The following LRP11 variants were observed in gnomAD, a reference collection of about 807,000 sequenced individuals.
The protein encoded by LRP11 is low-density lipoprotein receptor-related protein 11.
In LRP11, 25 loss-of-function variants were observed where a neutral mutation model predicts 43.1. The ratio of observed to expected loss-of-function variants is 0.58; its 90% CI spans 0.42 to 0.81. LRP11 has a LOEUF of 0.81. LRP11 is among the 30% of genes least tolerant of loss of function. The pLI, the probability that LRP11 is intolerant of heterozygous loss-of-function variation, is 0.00. For synonymous variants in LRP11, 316 were observed against 299.4 expected, an observed-to-expected ratio of 1.06 and a Z score of -0.57; for missense variants, 623 against 665.1, an observed-to-expected ratio of 0.94 and a Z score of 0.70.
At chr6:149,839,629 T>C (rs1467458891) in intron 3 of LRP11, among the ~76,000 whole-genome samples, 1 of 152,222 alleles carries the variant, frequency 6.6e-6, no homozygotes, top group East Asian at 1.9e-4. Context: ...CAATAATATA[T>C]TGTTGAACAG....
rs1776488423 is a variant in LRP11, at chr6:149,837,435, G to A, written c.942C>T (p.His314=). ...GGCLHTCSRY[H]FFCDDGCCID... ...TGCAGCAGCCATCGTCACAGAAGAA[G>A]TGGTAGCGTGAGCAAGTGTGCAAAC... The change falls in exon 4 of 7, where the codon CAC becomes CAT. Residue 314 remains histidine, a synonymous_variant. Transcript: ENST00000239367. 1 of 1,614,116 alleles carries A rather than the reference G, an allele frequency of 6.2e-7. No homozygotes were observed. The highest frequency in any genetic ancestry group is 8.5e-7 in the Non-Finnish European group (1 of 1,180,022).
Position 149,863,770 on chromosome 6 carries a change from C to G in LRP11, c.251G>C (p.Gly84Ala). The G allele has an allele frequency of 6.8e-7, 1 of 1,477,592 alleles. No individual in the cohort carries two copies. The highest frequency in any genetic ancestry group is 8.9e-7 in the Non-Finnish European group (1 of 1,120,844). 91.5% of individuals were successfully genotyped at this position (1,477,592 alleles called of 1,614,324 possible). A position where few individuals can be genotyped will look rare whatever the true frequency, so the allele number is the denominator to read the frequency against. Residue 84 changes from glycine to alanine, a missense_variant, in exon 1 of 7, where the codon GGC (glycine) becomes GCC (alanine). By Grantham distance (60) the Gly-to-Ala change is moderately conservative (BLOSUM62 0). Coordinates refer to ENST00000239367, the MANE Select transcript of LRP11 (RefSeq NM_032832.6). ...ELELELRAGG[G>A]PQEDCPGPGS... ...CGGGCCCGGGCAGTCCTCCTGGGGG[C>G]CGCCGCCCGCGCGCAGCTCCAGCTC...
chr6:149,826,440 T>A, intron 5 of LRP11, 81 bp from the exon 6 acceptor site: 8 of 971,032 alleles, frequency 8.2e-6, no homozygotes, highest in Non-Finnish European at 9.5e-6. Context: ...ACAGCCTTAT[T>A]TTTTTTTAAG....
At chr6:149,837,272 A>G in intron 4 of LRP11, 66 bp downstream of exon 4, 1 of 1,543,480 alleles carries the variant, frequency 6.5e-7, no homozygotes, top group Non-Finnish European at 8.8e-7. Context: ...TTTCATTCTC[A>G]GAACACAGAC....
In LRP11 at chr6:149,826,019, AT is replaced by A. The variant is rs1462186050; in HGVS notation, c.1348+244del. The A allele has an allele frequency of 2.3e-5, 11 of 470,382 alleles. No individual in the cohort carries two copies. The Admixed American group carries it at 3.3e-4, about 14-fold the overall frequency. The allele number at this position is 470,382 out of a possible 1,614,324, so 29.1% of individuals were successfully genotyped here. The stretch of plus-strand genomic sequence containing the variant: ...TCTCCCACCATGCCACAAGTATGAC[AT>A]TTTCCACAGGTGTCACACCTGGAAG... On this transcript the variant is annotated intron_variant, in intron 6 of 6. Transcript: ENST00000239367.
intron 1 of LRP11, 42 bp downstream of exon 1, chr6:149,863,366 C>T (rs906916481): frequency 3.1e-6 from 4 of 1,310,576 alleles, no homozygotes; most frequent in Non-Finnish European, 3.9e-6. Context: ...CTGCGGGTCT[C>T]GAGCGCTCTG....
chr6:149,839,662 T>C (rs1027703685), intron 3 of LRP11, among the ~76,000 whole-genome samples: 3 of 152,222 alleles, frequency 2.0e-5, no homozygotes, highest in Admixed American at 6.5e-5. Context: ...TATTTATTTA[T>C]CTATTTATTT....
chr6:149,847,651 G>A (rs543902002), intron 2 of LRP11, among the ~76,000 whole-genome samples: 3 of 152,224 alleles, frequency 2.0e-5, no homozygotes, highest in Admixed American at 2.0e-4. Flanking sequence ...TAAACCAGGA[G>A]CTCCCAATCT....
chr6:149,843,149 C>G (rs771365648), intron 2 of LRP11, 25 bp from the exon 3 acceptor site: 3 of 1,613,684 alleles, frequency 1.9e-6, no homozygotes, highest in South Asian at 2.2e-5. Context: ...GGACACATCA[C>G]GTCGAGCAGC....
intron 1 of LRP11, among the ~76,000 whole-genome samples, chr6:149,854,413 T>C (rs1447021454): frequency 6.6e-6 from 1 of 152,204 alleles, no homozygotes; most frequent in East Asian, 1.9e-4. Flanking sequence ...AGCCTATATT[T>C]ACCTTTAACC....
At chr6:149,841,004 C>T (rs1776538420) in intron 3 of LRP11, among the ~76,000 whole-genome samples, 1 of 152,158 alleles carries the variant, frequency 6.6e-6, no homozygotes, top group Non-Finnish European at 1.5e-5. Flanking sequence ...AGTGCTGGCA[C>T]GGGCTGGAGT....
At chr6:149,825,747 C>T (rs1377909426) in intron 6 of LRP11, among the ~76,000 whole-genome samples, 1 of 151,864 alleles carries the variant, frequency 6.6e-6, no homozygotes, top group East Asian at 1.9e-4. Flanking sequence ...CCTCGACCTC[C>T]CAGGCTCAAG....
chr6:149,843,247 G>A (rs892011116), intron 2 of LRP11, 123 bp from the exon 3 acceptor site: 10 of 1,009,290 alleles, frequency 9.9e-6, no homozygotes, highest in Admixed American at 6.2e-5. Flanking sequence ...ACTCCGGCCC[G>A]AGGCTGCTGA....
rs552643738 is a variant in LRP11, at chr6:149,819,372, T to C, written c.*1177A>G. The C allele has an allele frequency of 1.2e-4, 18 of 151,606 alleles. No homozygotes were observed. The highest frequency in any genetic ancestry group is 4.1e-4 in the African/African-American group (17 of 41,300). 9.4% of individuals were successfully genotyped at this position (151,606 alleles called of 1,614,324 possible). ...ATAGGCACCATACTATACACTCCTC[T>C]CAGAATCATTTCTAGAATGTGTATA... On this transcript the variant is annotated 3_prime_UTR_variant, in exon 7 of 7. Coordinates refer to ENST00000239367, the MANE Select transcript of LRP11 (RefSeq NM_032832.6).
rs1562439403 is a variant in LRP11, at chr6:149,836,212, A to ACC, written c.1123_1124dup (p.Asp376ValfsTer41). On this transcript the variant is annotated frameshift_variant, in exon 5 of 7. Transcript: ENST00000239367. ...TCTGAGACTTTTCCACCAAGGAGTC[A>ACC]CCCCCTGCATCTTCACTCGGCCCTG... The ACC allele has an allele frequency of 1.2e-6, 2 of 1,613,856 alleles. No individual in the cohort carries two copies. The highest frequency in any genetic ancestry group is 1.7e-6 in the Non-Finnish European group (2 of 1,180,010).
intron 6 of LRP11, among the ~76,000 whole-genome samples, chr6:149,825,050 AG>A (rs1776321924): frequency 6.6e-6 from 1 of 152,166 alleles, no homozygotes; most frequent in Admixed American, 6.5e-5. Context: ...CAGCAGACCA[AG>A]GGGGTCACCC....
chr6:149,829,370 A>C (rs1776380571), intron 5 of LRP11, among the ~76,000 whole-genome samples: 1 of 151,918 alleles, frequency 6.6e-6, no homozygotes, highest in Non-Finnish European at 1.5e-5. Flanking sequence ...AGACCAGCCT[A>C]GCCAACATGG....
intron 6 of LRP11, among the ~76,000 whole-genome samples, chr6:149,825,278 G>A (rs1776324328): frequency 6.6e-6 from 1 of 152,102 alleles, no homozygotes; most frequent in Non-Finnish European, 1.5e-5. Flanking sequence ...TTTCTTCCTA[G>A]TTAAAATCAA....
intron 2 of LRP11, chr6:149,852,372 C>T (rs1776732541): frequency 1.3e-5 from 2 of 152,178 alleles, no homozygotes; most frequent in African/African-American, 4.8e-5. Context: ...CAGGAATCCA[C>T]CCTGAGAGGG....
Sources: allele counts gnomAD v4.1 joint callset (sites outside exome capture counted in the v4.1 genomes callset), GRCh38; gene constraint gnomAD v4.1.1; transcripts MANE v1.5; gene names NCBI Gene and HGNC (gene_info 2026-07-23, HGNC 2026-07-21).